Variants in GRIA1 observed in about 807,000 individuals in gnomAD.
The protein encoded by GRIA1 is glutamate receptor 1.
A neutral mutation model predicts 99.2 loss-of-function variants in GRIA1; 31 were observed. The observed-to-expected ratio is 0.31, with a 90% CI of 0.23 to 0.42. The LOEUF is 0.42. Ranked by LOEUF, GRIA1 falls within the 10% of genes least tolerant of loss-of-function variation. The pLI is 1.00. For missense variants in GRIA1, 782 were observed against 1,157.5 expected (o/e 0.68, Z 4.71); for synonymous variants, 438 against 432.4 (o/e 1.01, Z -0.16).
chr5:153,626,829 A>C (rs1305975575), intron 2 of GRIA1, among the ~76,000 whole-genome samples: 1 of 152,166 alleles, frequency 6.6e-6, no homozygotes. Flanking sequence ...GTTAAATCCA[A>C]AAAAAGAGCA....
intron 11 of GRIA1, among the ~76,000 whole-genome samples, chr5:153,721,011 A>C (rs1760023797): frequency 6.6e-6 from 1 of 152,218 alleles, no homozygotes; most frequent in South Asian, 2.1e-4. Flanking sequence ...AGACATTGGT[A>C]GAAGGTCAGT....
intron 2 of GRIA1, among the ~76,000 whole-genome samples, chr5:153,509,447 C>G (rs943851816): frequency 6.6e-6 from 1 of 152,152 alleles, no homozygotes; most frequent in Non-Finnish European, 1.5e-5. Context: ...CTCACTGGCT[C>G]TCTTTTTTGT....
At chr5:153,731,318 G>A (rs1358846829) in intron 11 of GRIA1, among the ~76,000 whole-genome samples, 2 of 150,216 alleles carry the variant, frequency 1.3e-5, no homozygotes, top group Non-Finnish European at 3.0e-5. Flanking sequence ...CCCTTTTTGA[G>A]TTTTCACCTC....
At position 153,647,022 on chromosome 5, in the gene GRIA1, C is replaced by T. The variant is rs138090704; in HGVS notation, c.315C>T (p.His105=). 45 of 1,613,864 alleles carry T rather than the reference C, an allele frequency of 2.8e-5. No individual in the cohort carries two copies. The highest frequency in any genetic ancestry group is 8.0e-5 in the African/African-American group (6 of 74,900). ...NMLTSFCGAL[H]VCFITPSFPV... Reference sequence around the variant, plus strand: ...TGACCTCCTTTTGTGGGGCCCTCCACGTCTGCTTCATTACGCCGAGCTTTC... The same window carrying T: ...TGACCTCCTTTTGTGGGGCCCTCCATGTCTGCTTCATTACGCCGAGCTTTC... Residue 105 remains histidine, a synonymous_variant, in exon 3 of 16, where the codon CAC becomes CAT. Transcript: ENST00000285900.
intron 15 of GRIA1, among the ~76,000 whole-genome samples, chr5:153,808,217 AT>A (rs1185728676): frequency 6.6e-6 from 1 of 152,118 alleles, no homozygotes; most frequent in Non-Finnish European, 1.5e-5. Flanking sequence ...TGTAAGTTGG[AT>A]TTTTTACTCA....
At chr5:153,564,397 GTAT>G (rs1034266913) in intron 2 of GRIA1, among the ~76,000 whole-genome samples, 1 of 152,120 alleles carries the variant, frequency 6.6e-6, no homozygotes, top group Non-Finnish European at 1.5e-5. Flanking sequence ...AGATTTTTGT[GTAT>G]TATTTACCTG....
intron 2 of GRIA1, among the ~76,000 whole-genome samples, chr5:153,619,105 T>C (rs563558661): frequency 2.6e-5 from 4 of 152,292 alleles, no homozygotes; most frequent in East Asian, 1.9e-4. Context: ...CTTAGCTTGA[T>C]AGGGCAATGG....
At chr5:153,681,189 GA>G in intron 7 of GRIA1, among the ~76,000 whole-genome samples, 1 of 152,250 alleles carries the variant, frequency 6.6e-6, no homozygotes, top group South Asian at 2.1e-4. Flanking sequence ...GATAAGGGAG[GA>G]AGTGACAGGC....
intron 2 of GRIA1, among the ~76,000 whole-genome samples, chr5:153,620,033 G>A (rs903445081): frequency 6.6e-6 from 1 of 152,162 alleles, no homozygotes; most frequent in Non-Finnish European, 1.5e-5. Flanking sequence ...CAAGAAGCTT[G>A]TTTTTTAATG....
rs1756433365 is a variant in GRIA1, at chr5:153,674,576, C to G, written c.776C>G (p.Thr259Arg). 1.2e-6 allele frequency: 2 copies of G among 1,614,102 alleles called. No homozygotes were observed. Among genetic ancestry groups the G allele is most frequent in the East Asian group, 4.5e-5 (2 of 44,866 alleles). ...NVTGFQLVNY[T>R]DTIPAKIMQQ... Reference sequence around the variant, plus strand: ...ACAGGTTTCCAGCTGGTGAACTACACAGACACTATTCCGGCCAAGATCATG... The same window carrying G: ...ACAGGTTTCCAGCTGGTGAACTACAGAGACACTATTCCGGCCAAGATCATG... The change falls in exon 6 of 16, where the codon ACA becomes AGA. Residue 259 changes from threonine (T) to arginine (R), a missense_variant. Physicochemically the swap from Thr to Arg is moderately conservative, Grantham distance 71. Around this residue, in one of 5 missense-constraint regions of GRIA1, gnomAD observed 461 missense variants for 521.7 expected, o/e 0.88. Transcript: ENST00000285900.
chr5:153,659,090 A>G (rs4958670), intron 5 of GRIA1, among the ~76,000 whole-genome samples: 20,171 of 152,112 alleles, frequency 0.13, 2,414 homozygotes, highest in East Asian at 0.64. Flanking sequence ...TCATCTGTCA[A>G]TTGAGAACAA....
intron 2 of GRIA1, among the ~76,000 whole-genome samples, chr5:153,550,978 TAAC>T (rs1410146704): frequency 2.6e-5 from 4 of 152,172 alleles, no homozygotes; most frequent in African/African-American, 7.2e-5. Context: ...TTTATATTCT[TAAC>T]AAGCTCTCAA....
intron 2 of GRIA1, among the ~76,000 whole-genome samples, chr5:153,617,321 C>T (rs191034305): frequency 2.6e-4 from 40 of 152,294 alleles, no homozygotes; most frequent in African/African-American, 9.6e-4. Flanking sequence ...TTCCACTGTA[C>T]ACACAAGTAA....
chr5:153,737,315 AG>A lies in GRIA1; in HGVS notation c.1824-27116del, dbSNP rs1293317337. On this transcript the variant is annotated intron_variant, in intron 11 of 15. Coordinates refer to ENST00000285900, the MANE Select transcript of GRIA1 (RefSeq NM_000827.4). ...TAAAAAAAAAAAAAAAAAAAAAAAA[AG>A]GGATACTCCATTTTTCCACATATGA... Among the ~76,000 whole-genome samples, 77 of 141,452 alleles carry A rather than the reference AG, an allele frequency of 5.4e-4. 1 individual carries two copies. Among genetic ancestry groups the A allele is most frequent in the South Asian group, 5.1e-3 (22 of 4,326 alleles). 92.8% of individuals were successfully genotyped at this position (141,452 alleles called of 152,430 possible).
chr5:153,789,244 A>G (rs774605572), intron 13 of GRIA1, among the ~76,000 whole-genome samples: 1 of 152,000 alleles, frequency 6.6e-6, no homozygotes. Flanking sequence ...CCAGACTCCA[A>G]AGGAGATGGA....
intron 2 of GRIA1, among the ~76,000 whole-genome samples, chr5:153,512,868 G>T (rs1756231952): frequency 1.3e-5 from 2 of 152,116 alleles, no homozygotes; most frequent in African/African-American, 2.4e-5. Context: ...ATGGTAGTGG[G>T]TTTAGCTGTC....
intron 13 of GRIA1, among the ~76,000 whole-genome samples, chr5:153,780,817 T>C (rs748434372): frequency 1.3e-5 from 2 of 152,190 alleles, no homozygotes; most frequent in Non-Finnish European, 2.9e-5. Flanking sequence ...TGTGTGAGTA[T>C]CTGACCCAAA....
intron 5 of GRIA1, among the ~76,000 whole-genome samples, chr5:153,664,826 T>G (rs768477998): frequency 6.6e-6 from 1 of 152,242 alleles, no homozygotes; most frequent in Non-Finnish European, 1.5e-5. Context: ...ATTCTTCTTT[T>G]TATCAAACAT....
intron 2 of GRIA1, among the ~76,000 whole-genome samples, chr5:153,556,317 G>A (rs1338709556): frequency 6.6e-6 from 1 of 152,150 alleles, no homozygotes; most frequent in African/African-American, 2.4e-5. Context: ...TCAGAGATCA[G>A]TTGGTGCCTC....
Sources: allele counts gnomAD v4.1 joint callset (sites outside exome capture counted in the v4.1 genomes callset), GRCh38; gene constraint gnomAD v4.1.1; regional missense constraint gnomAD v4.1.1; transcripts MANE v1.5; gene names NCBI Gene and HGNC (gene_info 2026-07-23, HGNC 2026-07-21).